The following CRTAC1 variants were observed in gnomAD, a reference collection of about 807,000 sequenced individuals.
CRTAC1 encodes the protein acidic secreted protein in cartilage.
Under a neutral mutation model 67.8 loss-of-function variants are expected in CRTAC1, and 37 were observed. The ratio of observed to expected loss-of-function variants is 0.55; its 90% CI spans 0.42 to 0.72. The LOEUF (loss-of-function observed/expected upper bound fraction) is 0.72, where lower values mean the gene tolerates loss of function less well. Ranked by LOEUF, CRTAC1 falls within the 30% of genes least tolerant of loss-of-function variation. The probability of loss-of-function intolerance (pLI) is 0.00; values close to 1 mark genes in which losing one functional copy is unlikely to be tolerated. For synonymous variants in CRTAC1, 348 were observed against 371.0 expected (o/e 0.94, Z 0.71); for missense variants, 780 against 931.6 (o/e 0.84, Z 2.12).
At chr10:98,003,074 C>T (rs904044574) in intron 2 of CRTAC1, among the ~76,000 whole-genome samples, 19 of 152,064 alleles carry the variant, frequency 1.2e-4, no homozygotes, top group African/African-American at 2.9e-4. Context: ...TGAGCCACTG[C>T]GCCCGGCCCA....
At chr10:97,994,068 G>C (rs1842511514) in intron 2 of CRTAC1, among the ~76,000 whole-genome samples, 1 of 152,116 alleles carries the variant, frequency 6.6e-6, no homozygotes, top group Admixed American at 6.6e-5. Flanking sequence ...TGCTGGCCAG[G>C]CTGGTCTTGA....
At chr10:97,950,524 A>C (rs1293002689) in intron 2 of CRTAC1, among the ~76,000 whole-genome samples, 1 of 152,198 alleles carries the variant, frequency 6.6e-6, no homozygotes, top group Admixed American at 6.5e-5. Context: ...GACTGCTGTA[A>C]GCCAGCGTGG....
intron 3 of CRTAC1, among the ~76,000 whole-genome samples, chr10:97,933,060 G>A (rs997790359): frequency 3.3e-5 from 5 of 152,244 alleles, no homozygotes; most frequent in Non-Finnish European, 5.9e-5. Flanking sequence ...CATGGGCACA[G>A]CCAAATGCCA....
intron 2 of CRTAC1, 92 bp downstream of exon 2, chr10:98,011,046 G>A (rs1407089289): frequency 9.1e-7 from 1 of 1,095,078 alleles, no homozygotes; most frequent in South Asian, 1.3e-5. Flanking sequence ...AACGTATGTT[G>A]TTGCAAGTCA....
intron 2 of CRTAC1, among the ~76,000 whole-genome samples, chr10:97,974,476 T>G (rs1376570501): frequency 1.3e-5 from 2 of 152,216 alleles, no homozygotes; most frequent in Non-Finnish European, 2.9e-5. Flanking sequence ...AGCGTCTGAA[T>G]AGAATTGTGT....
At chr10:97,941,967 C>T (rs1429709786) in intron 2 of CRTAC1, among the ~76,000 whole-genome samples, 1 of 152,156 alleles carries the variant, frequency 6.6e-6, no homozygotes, top group Non-Finnish European at 1.5e-5. Context: ...CCTTTCAGCT[C>T]CTTGAATTCT....
intron 3 of CRTAC1, among the ~76,000 whole-genome samples, chr10:97,930,580 C>G (rs1190516679): frequency 6.6e-6 from 1 of 152,184 alleles, no homozygotes; most frequent in African/African-American, 2.4e-5. Flanking sequence ...CGCTGATTCC[C>G]ATGCTTCTGG....
intron 2 of CRTAC1, among the ~76,000 whole-genome samples, chr10:97,972,501 T>C (rs1164704155): frequency 1.3e-5 from 2 of 152,314 alleles, no homozygotes; most frequent in South Asian, 2.1e-4. Flanking sequence ...CTGCCTCTGA[T>C]ACGAGAAAGT....
intron 2 of CRTAC1, among the ~76,000 whole-genome samples, chr10:97,942,436 A>G (rs1371476331): frequency 2.6e-5 from 4 of 152,338 alleles, no homozygotes; most frequent in Non-Finnish European, 4.4e-5. Context: ...AAACATAGTC[A>G]TGAAAAAGAG....
chr10:97,952,538 C>CAAAA (rs397844653), intron 2 of CRTAC1, among the ~76,000 whole-genome samples: 647 of 64,002 alleles, frequency 0.01, 11 homozygotes, highest in African/African-American at 0.035. Context: ...AATTCCATCT[C>CAAAA]AAAAAAAAAA....
At chr10:98,024,951 A>G (rs1377939535) in intron 1 of CRTAC1, among the ~76,000 whole-genome samples, 1 of 151,716 alleles carries the variant, frequency 6.6e-6, no homozygotes, top group African/African-American at 2.4e-5. Context: ...AGTCTCTATA[A>G]TTTTCTATTT....
At chr10:97,922,314 C>T (rs1404956292) in intron 4 of CRTAC1, among the ~76,000 whole-genome samples, 2 of 152,216 alleles carry the variant, frequency 1.3e-5, no homozygotes, top group African/African-American at 4.8e-5. Context: ...TTATACCTGG[C>T]ACCTGCCTTC....
chr10:97,916,966 G>C (rs2050767580), intron 5 of CRTAC1, among the ~76,000 whole-genome samples: 1 of 151,976 alleles, frequency 6.6e-6, no homozygotes, highest in African/African-American at 2.4e-5. Context: ...TCAAAAAAAA[G>C]TGCTGGAGAG....
At chr10:97,984,639 T>C (rs771818452) in intron 2 of CRTAC1, among the ~76,000 whole-genome samples, 1 of 152,194 alleles carries the variant, frequency 6.6e-6, no homozygotes, top group Non-Finnish European at 1.5e-5. Flanking sequence ...CCCAAGGTCA[T>C]CTCAAATGCA....
At chr10:97,905,284 C>CA (rs1185670847) in intron 6 of CRTAC1, among the ~76,000 whole-genome samples, 2 of 152,174 alleles carry the variant, frequency 1.3e-5, no homozygotes, top group Non-Finnish European at 1.5e-5. Flanking sequence ...GTCCTGTCCG[C>CA]CTTATCTGGT....
At chr10:97,953,477 C>T (rs1038180704) in intron 2 of CRTAC1, among the ~76,000 whole-genome samples, 3 of 152,154 alleles carry the variant, frequency 2.0e-5, no homozygotes, top group Non-Finnish European at 4.4e-5. Flanking sequence ...AGCAGACCCT[C>T]AATGGAGGTC....
chr10:97,944,351 G>A lies in CRTAC1; in HGVS notation c.225-7985C>T, dbSNP rs139149043. On this transcript the variant is annotated intron_variant, in intron 2 of 14. Transcript: ENST00000370597. ...GGAGGCTGAGGCAGAAGAATCGCAT[G>A]AACCGGGGAGGCAGATGTTGCAGTA... Among the ~76,000 whole-genome samples, 625 of 152,094 alleles carry A rather than the reference G, an allele frequency of 4.1e-3. 3 individuals carry two copies. Among genetic ancestry groups the A allele is most frequent in the African/African-American group, 0.014 (565 of 41,464 alleles).
chr10:97,874,552 G>A (rs1240252358), intron 14 of CRTAC1, among the ~76,000 whole-genome samples: 1 of 152,176 alleles, frequency 6.6e-6, no homozygotes, highest in Non-Finnish European at 1.5e-5. Context: ...CACCACAGGT[G>A]TCCTGGGTGG....
At chr10:98,002,686 T>C (rs1842712373) in intron 2 of CRTAC1, among the ~76,000 whole-genome samples, 1 of 148,910 alleles carries the variant, frequency 6.7e-6, no homozygotes, top group Admixed American at 6.8e-5. Flanking sequence ...TGTCAAACAG[T>C]GAGTTACAGA....
Sources: allele counts gnomAD v4.1 joint callset (sites outside exome capture counted in the v4.1 genomes callset), GRCh38; gene constraint gnomAD v4.1.1; transcripts MANE v1.5; gene names NCBI Gene and HGNC (gene_info 2026-07-23, HGNC 2026-07-21).